GRIK4: variants seen among roughly 807,000 people sequenced by gnomAD.
GRIK4 encodes the protein glutamate receptor ionotropic, kainate 4.
In GRIK4, 40 loss-of-function variants were observed where a neutral mutation model predicts 104.9. The ratio of observed to expected loss-of-function variants is 0.38; its 90% confidence interval spans 0.30 to 0.50. GRIK4 has a LOEUF of 0.50. GRIK4 is among the 20% of genes least tolerant of loss of function. GRIK4 has a pLI of 0.93. For synonymous variants in GRIK4, 485 were observed against 524.9 expected (o/e 0.92, Z 1.04); for missense variants, 1,047 against 1,308.1 (o/e 0.80, Z 3.08).
intron 3 of GRIK4, among the ~76,000 whole-genome samples, chr11:120,765,870 T>A (rs1951829408): frequency 6.6e-6 from 1 of 152,216 alleles, no homozygotes; most frequent in South Asian, 2.1e-4. Context: ...GGAGCTCTCC[T>A]GTATGAGGTG....
At chr11:120,951,791 A>AG (rs1455774166) in intron 14 of GRIK4, among the ~76,000 whole-genome samples, 1 of 152,252 alleles carries the variant, frequency 6.6e-6, no homozygotes, top group Non-Finnish European at 1.5e-5. Context: ...AGTTGGACTC[A>AG]GTGGTGTTGG....
intron 2 of GRIK4, 138 bp downstream of exon 2, chr11:120,653,930 T>C (rs934588470): frequency 6.6e-6 from 1 of 152,234 alleles, no homozygotes; most frequent in African/African-American, 2.4e-5. Context: ...CCCTTCCCTC[T>C]GCACTCAGGA....
chr11:120,736,743 A>G (rs1239704028), intron 3 of GRIK4, among the ~76,000 whole-genome samples: 5 of 151,270 alleles, frequency 3.3e-5, no homozygotes, highest in African/African-American at 1.2e-4. Flanking sequence ...TTGAATTTGA[A>G]TTTTTAATTA....
intron 4 of GRIK4, among the ~76,000 whole-genome samples, chr11:120,814,936 C>T (rs568753313): frequency 1.4e-4 from 21 of 152,230 alleles, no homozygotes; most frequent in Non-Finnish European, 2.5e-4. Context: ...TTCATACCCC[C>T]GCCTGCCTGC....
intron 1 of GRIK4, among the ~76,000 whole-genome samples, chr11:120,616,440 C>T (rs188985773): frequency 3.3e-5 from 5 of 152,292 alleles, no homozygotes; most frequent in East Asian, 3.9e-4. Context: ...TCAAATTGGC[C>T]GTGACAGACA....
chr11:120,739,053 A>G (rs1341105416), intron 3 of GRIK4, among the ~76,000 whole-genome samples: 1 of 152,204 alleles, frequency 6.6e-6, no homozygotes, highest in African/African-American at 2.4e-5. Context: ...GCAGCCTGGC[A>G]ATATAAAAAG....
intron 1 of GRIK4, among the ~76,000 whole-genome samples, chr11:120,616,534 G>T (rs1949116838): frequency 6.6e-6 from 1 of 152,204 alleles, no homozygotes; most frequent in Admixed American, 6.5e-5. Context: ...CAGCCAGGAT[G>T]GATGGAATAG....
chr11:120,963,015 C>A, intron 18 of GRIK4: 1 of 180,900 alleles, frequency 5.5e-6, no homozygotes. Flanking sequence ...CCTTTTCTGG[C>A]TTGCTTCTCC....
intron 1 of GRIK4, among the ~76,000 whole-genome samples, chr11:120,571,942 G>A (rs748892855): frequency 2.5e-4 from 38 of 152,200 alleles, no homozygotes; most frequent in Non-Finnish European, 3.8e-4. Context: ...GGAAGTCACC[G>A]GAGGCATCCT....
In GRIK4 at chr11:120,636,972, C is replaced by A. The variant is rs537139004; in HGVS notation, c.-158-16713C>A. ...TCTATGAGTTTCCCAGGGTGCCCCC[C>A]AGTGATAAGCTGGTGCAAAACCAGC... On this transcript the variant is annotated intron_variant, in intron 1 of 20. Transcript: ENST00000527524. Among the ~76,000 whole-genome samples, 13 of 152,300 alleles carry A rather than the reference C, an allele frequency of 8.5e-5. No individual in the cohort carries two copies. The South Asian group carries it at 2.7e-3, about 32-fold the overall frequency.
At position 120,986,021 on chromosome 11, in the gene GRIK4, G is replaced by A; in HGVS notation, c.2632G>A (p.Glu878Lys). The A allele has an allele frequency of 6.6e-7, 1 of 1,526,468 alleles. No homozygotes were observed. The highest frequency in any genetic ancestry group is 8.8e-7 in the Non-Finnish European group (1 of 1,138,064). The allele number at this position is 1,526,468 out of a possible 1,614,324, so 94.6% of individuals were successfully genotyped here. Residue 878 changes from glutamate to lysine, a missense_variant, in exon 21 of 21, where the codon GAG becomes AAG. By Grantham distance (56) the Glu-to-Lys change is moderately conservative. This residue lies in a region of GRIK4 where 160 missense variants were observed against 140.9 expected (regional missense o/e 1.14). Transcript: ENST00000527524. ...GCCGCCCCGGCCCCCCATCCCCGAG[G>A]AGCGCCGACCGCGGGGCACGGCGAC... is the stretch of plus-strand genomic sequence containing the variant. ...VPPPRPPIPE[E>K]RRPRGTATLS...
At chr11:120,840,225 C>T (rs1180934328) in intron 8 of GRIK4, among the ~76,000 whole-genome samples, 2 of 152,164 alleles carry the variant, frequency 1.3e-5, no homozygotes, top group African/African-American at 4.8e-5. Flanking sequence ...GACAGCCCCT[C>T]TCCAGAACAG....
At chr11:120,871,226 G>C (rs4936561) in intron 9 of GRIK4, 68,192 of 170,674 alleles carry the variant, frequency 0.4, 13,779 homozygotes, top group East Asian at 0.45. Flanking sequence ...CAGCTAACTT[G>C]CTGTCAATTT....
chr11:120,740,068 A>T lies in GRIK4; in HGVS notation c.83-62625A>T, dbSNP rs115337270. 4.3e-3 allele frequency among the ~76,000 whole-genome samples: 650 copies of T among 152,328 alleles called. 5 individuals are homozygous for T. Among genetic ancestry groups the T allele is most frequent in the African/African-American group, 0.015 (605 of 41,572 alleles). ...TTTGCATTACACGGAACAGCTTGGG[A>T]TGTGGACTACATGGACAATTGGCTG... On this transcript the variant is annotated intron_variant, in intron 3 of 20. Coordinates refer to ENST00000527524, the MANE Select transcript of GRIK4 (RefSeq NM_014619.5).
At position 120,961,061 on chromosome 11, in the gene GRIK4, T is replaced by C. The variant is rs745401079; in HGVS notation, c.2027T>C (p.Met676Thr). 2.5e-5 allele frequency: 40 copies of C among 1,614,100 alleles called. No individual in the cohort carries two copies. Among genetic ancestry groups the C allele is most frequent in the Non-Finnish European group, 3.3e-5 (39 of 1,179,982 alleles). Residue 676 changes from methionine to threonine, a missense_variant, in exon 17 of 21, where the codon ATG becomes ACG. Met to Thr is a moderately conservative substitution (Grantham distance 81). Around this residue, in one of 3 missense-constraint regions of GRIK4, gnomAD observed 440 missense variants for 652.3 expected, o/e 0.67. Coordinates refer to ENST00000527524, the MANE Select transcript of GRIK4 (RefSeq NM_014619.5). Reference sequence around the variant, plus strand: ...GGCACAATTCACGGAGGCTCCAGCATGACCTTCTTCCAAGTAAACCCCATT... The same window carrying C: ...GGCACAATTCACGGAGGCTCCAGCACGACCTTCTTCCAAGTAAACCCCATT... ...EYGTIHGGSS[M>T]TFFQNSRYQT...
chr11:120,608,763 C>T (rs2135143387), intron 1 of GRIK4, among the ~76,000 whole-genome samples: 1 of 152,324 alleles, frequency 6.6e-6, no homozygotes, highest in East Asian at 1.9e-4. Flanking sequence ...TACCTCCTGC[C>T]CTGCTCCTCT....
intron 10 of GRIK4, 39 bp from the exon 11 acceptor site, chr11:120,875,100 G>T (rs753492104): frequency 7.8e-7 from 1 of 1,284,744 alleles, no homozygotes; most frequent in East Asian, 2.3e-5. Flanking sequence ...GTGTAACCTG[G>T]GGCCTGTTTG....
At chr11:120,751,206 A>G (rs2135424024) in intron 3 of GRIK4, among the ~76,000 whole-genome samples, 1 of 152,112 alleles carries the variant, frequency 6.6e-6, no homozygotes, top group African/African-American at 2.4e-5. Context: ...GTCAGCTCAG[A>G]ACCCGTGCCT....
At chr11:120,917,297 A>G (rs1344348189) in intron 13 of GRIK4, among the ~76,000 whole-genome samples, 1 of 149,380 alleles carries the variant, frequency 6.7e-6, no homozygotes, top group African/African-American at 2.5e-5. Flanking sequence ...AAGAAAGAAA[A>G]AAGAAAGAAA....
Sources: gnomAD v4.1 joint callset for allele counts (sites outside exome capture counted in the v4.1 genomes callset) on GRCh38, gnomAD v4.1.1 for gene constraint, gnomAD v4.1.1 regional missense constraint, MANE v1.5 for transcripts, NCBI Gene and HGNC (gene_info 2026-07-23, HGNC 2026-07-21) for gene names.